The following UBE2O variants were observed in gnomAD, a reference collection of about 807,000 sequenced individuals.
UBE2O encodes the protein (E3-independent) E2 ubiquitin-conjugating enzyme.
In UBE2O, 15 loss-of-function variants were observed where a neutral mutation model predicts 125.8. That is an observed-to-expected ratio of 0.12 (90% CI 0.08 to 0.18). UBE2O has a LOEUF of 0.18. Among genes scored for constraint, UBE2O ranks in the 10% least tolerant of loss-of-function variants. The probability of loss-of-function intolerance (pLI) is 1.00; values close to 1 mark genes in which losing one functional copy is unlikely to be tolerated. For synonymous variants in UBE2O, 708 were observed against 703.2 expected (o/e 1.01, Z -0.11); for missense variants, 1,280 against 1,723.6 (o/e 0.74, Z 4.56).
intron 15 of UBE2O, among the ~76,000 whole-genome samples, chr17:76,393,817 C>A (rs963166357): frequency 1.3e-5 from 2 of 152,148 alleles, no homozygotes; most frequent in African/African-American, 4.8e-5. Flanking sequence ...ACTGACAGGG[C>A]AATGGGCGAG....
In UBE2O at chr17:76,421,644, C is replaced by T. The variant is rs371165088; in HGVS notation, c.418-16072G>A. The stretch of plus-strand genomic sequence containing the variant: ...CCTCCCAAGGTGCTAGGATTACAGG[C>T]GTGAGCCACCACGCCCGGCCCTGAG... On this transcript the variant is annotated intron_variant, in intron 1 of 17. Coordinates refer to ENST00000319380, the MANE Select transcript of UBE2O (RefSeq NM_022066.4). Among the ~76,000 whole-genome samples, 21 of 152,312 alleles carry T rather than the reference C, an allele frequency of 1.4e-4. No individual in the cohort carries two copies. In the East Asian group the frequency reaches 3.7e-3, roughly 27 times the overall value.
rs779778170 is a variant in UBE2O at position 76,402,571 on chromosome 17, A to C, written c.686+31T>G. Reference sequence around the variant, plus strand: ...TCTTTCCAAGAGGCTATCCTTCCCAAGCCGATGGCTCTCTGGTGGTGAGAC... The same window carrying C: ...TCTTTCCAAGAGGCTATCCTTCCCACGCCGATGGCTCTCTGGTGGTGAGAC... On this transcript the variant is annotated intron_variant, in intron 4 of 17. Transcript: ENST00000319380. The surrounding 1 kb of genome is among the most constrained non-coding windows in gnomAD (Gnocchi z 5.4). 1.9e-6 allele frequency: 3 copies of C among 1,592,544 alleles called. No individual in the cohort carries two copies. Among genetic ancestry groups the C allele is most frequent in the Non-Finnish European group, 2.6e-6 (3 of 1,160,726 alleles).
Position 76,398,154 on chromosome 17 carries a change from T to A in UBE2O, c.2025+101A>T. 1 of 1,533,690 alleles carries A rather than the reference T, an allele frequency of 6.5e-7. No individual in the cohort carries two copies. Among genetic ancestry groups the A allele is most frequent in the Non-Finnish European group, 8.9e-7 (1 of 1,118,644 alleles). On this transcript the variant is annotated intron_variant, in intron 12 of 17. Transcript: ENST00000319380. The surrounding 1 kb of genome is among the most constrained non-coding windows in gnomAD (Gnocchi z 5.4). ...TGAGGACACTGAGCCCAGAGGACTT[T>A]CAGGTCTTGTCTCCTAGAGCCACCT...
Position 76,391,840 on chromosome 17 carries a change from C to T in UBE2O, c.3151-27G>A, listed in dbSNP as rs201970029. 2.7e-4 allele frequency: 434 copies of T among 1,614,064 alleles called. 1 individual carries two copies. The highest frequency in any genetic ancestry group is 2.0e-3 in the Middle Eastern group (12 of 6,062). On this transcript the variant is annotated intron_variant, in intron 16 of 17. Transcript: ENST00000319380. This position sits in a 1 kb window ranked among gnomAD's most constrained non-coding sequence, Gnocchi z 8.4. Reference sequence around the variant, plus strand: ...TGAAACACACAGGGCACCATCAATTCTGTTCCCCAGGCCCCTATCCACCAG... The same window carrying T: ...TGAAACACACAGGGCACCATCAATTTTGTTCCCCAGGCCCCTATCCACCAG...
intron 1 of UBE2O, among the ~76,000 whole-genome samples, chr17:76,442,395 T>G (rs2073088239): frequency 6.6e-6 from 1 of 152,060 alleles, no homozygotes; most frequent in African/African-American, 2.4e-5. Flanking sequence ...AGTGGTCTAG[T>G]AAGGGGCCCA....
At chr17:76,429,584 TA>T (rs2143840725) in intron 1 of UBE2O, among the ~76,000 whole-genome samples, 1 of 129,456 alleles carries the variant, frequency 7.7e-6, no homozygotes, top group African/African-American at 2.8e-5. Flanking sequence ...GTTGAGGTGA[TA>T]AAAAGATGAT....
intron 15 of UBE2O, among the ~76,000 whole-genome samples, chr17:76,393,321 G>A (rs56084731): frequency 1 from 151,117 of 151,124 alleles, 75,555 homozygotes; most frequent in South Asian, 1. Context: ...CTGGAGTGCA[G>A]TGGTGTGATC....
At position 76,401,142 on chromosome 17, in the gene UBE2O, C is replaced by T. The variant is rs1318859888; in HGVS notation, c.763G>A (p.Asp255Asn). ...CCTGGGTAGAAGCCATAGGAATCAT[C>T]GAAGAAGAGACCCTGCGGGATGTGG... Reference protein sequence around the residue: ...PHVSDSGLFFDDSYGFYPGQV... With the variant: ...PHVSDSGLFFNDSYGFYPGQV... The change falls in exon 6 of 18, where the codon GAT (aspartate) becomes AAT (asparagine). Residue 255 changes from aspartate to asparagine, a missense_variant. By Grantham distance (23) the Asp-to-Asn change is conservative. Coordinates refer to ENST00000319380, the MANE Select transcript of UBE2O (RefSeq NM_022066.4). 27 of 1,613,554 alleles carry T rather than the reference C, an allele frequency of 1.7e-5. No homozygotes were observed. The highest frequency in any genetic ancestry group is 2.1e-5 in the Non-Finnish European group (25 of 1,180,000).
chr17:76,426,538 C>T (rs1273909269), intron 1 of UBE2O, among the ~76,000 whole-genome samples: 1 of 152,094 alleles, frequency 6.6e-6, no homozygotes, highest in Non-Finnish European at 1.5e-5. Flanking sequence ...TTTTAAAATT[C>T]CATATTTTTA....
chr17:76,415,224 C>A (rs1214756842), intron 1 of UBE2O, among the ~76,000 whole-genome samples: 1 of 152,126 alleles, frequency 6.6e-6, no homozygotes, highest in East Asian at 1.9e-4. Context: ...GGAATGAGGA[C>A]CCAGGCTGCT....
chr17:76,424,626 G>C (rs1407754485), intron 1 of UBE2O, among the ~76,000 whole-genome samples: 1 of 152,046 alleles, frequency 6.6e-6, no homozygotes, highest in East Asian at 1.9e-4. Flanking sequence ...TGTAATTCCA[G>C]CACTTTGGGA....
chr17:76,437,957 G>A (rs1239863751), intron 1 of UBE2O, among the ~76,000 whole-genome samples: 2 of 152,178 alleles, frequency 1.3e-5, no homozygotes, highest in Non-Finnish European at 2.9e-5. Flanking sequence ...GGTGTCTCTC[G>A]TTGCCTGGAT....
At position 76,423,053 on chromosome 17, in the gene UBE2O, T is replaced by C. The variant is rs541802678; in HGVS notation, c.418-17481A>G. Among the ~76,000 whole-genome samples the C allele has an allele frequency of 3.3e-5, 5 of 152,230 alleles. No homozygotes were observed. The South Asian group carries it at 8.3e-4, about 25-fold the overall frequency. On this transcript the variant is annotated intron_variant, in intron 1 of 17. Coordinates refer to ENST00000319380, the MANE Select transcript of UBE2O (RefSeq NM_022066.4). ...GGCTCAGCAGTCCCAATGGGTGGCG[T>C]GGGCAGAATCCCCAATGGCGGGGCC...
At position 76,391,714 on chromosome 17, in the gene UBE2O, C is replaced by T. The variant is rs369950547; in HGVS notation, c.3208+42G>A. 15 of 1,611,112 alleles carry T rather than the reference C, an allele frequency of 9.3e-6. No homozygotes were observed. Among genetic ancestry groups the T allele is most frequent in the South Asian group, 3.3e-5 (3 of 90,642 alleles). ...GACTATCAGAGTCACTTTCCTCCACCGGCCCTCCCTTGTCCGCACCCCCGC... is the reference window on the plus strand; with the variant it reads ...GACTATCAGAGTCACTTTCCTCCACTGGCCCTCCCTTGTCCGCACCCCCGC... On this transcript the variant is annotated intron_variant, in intron 17 of 17. Transcript: ENST00000319380. This position sits in a 1 kb window ranked among gnomAD's most constrained non-coding sequence, Gnocchi z 8.4.
intron 1 of UBE2O, among the ~76,000 whole-genome samples, chr17:76,414,728 C>G (rs556067944): frequency 1.7e-4 from 26 of 152,342 alleles, no homozygotes; most frequent in African/African-American, 5.8e-4. Flanking sequence ...GGGGGAAGGA[C>G]TGCAGAGCTT....
chr17:76,413,791 C>A (rs1017491022), intron 1 of UBE2O, among the ~76,000 whole-genome samples: 2 of 152,174 alleles, frequency 1.3e-5, no homozygotes, highest in Non-Finnish European at 2.9e-5. Flanking sequence ...CCAAGACCCA[C>A]ACAGTCACAC....
At chr17:76,428,793 G>A (rs1033364445) in intron 1 of UBE2O, among the ~76,000 whole-genome samples, 6 of 152,082 alleles carry the variant, frequency 3.9e-5, no homozygotes, top group African/African-American at 1.4e-4. Flanking sequence ...GAAACTGTAT[G>A]CACATATTGT....
At position 76,399,490 on chromosome 17, in the gene UBE2O, C is replaced by T. The variant is rs1314379140; in HGVS notation, c.1587G>A (p.Arg529=). The change falls in exon 9 of 18, where the codon AGG becomes AGA. Residue 529 remains arginine (R), a synonymous_variant. Transcript: ENST00000319380. This position sits in a 1 kb window ranked among gnomAD's most constrained non-coding sequence, Gnocchi z 6.9. ...SIKNLKRKHK[R]KKNKITRDFK... Reference sequence around the variant, plus strand: ...AGTCTCGAGTGATTTTATTCTTCTTCCTCTTGTGTTTGCGCTTTAAGTTCT... The same window carrying T: ...AGTCTCGAGTGATTTTATTCTTCTTTCTCTTGTGTTTGCGCTTTAAGTTCT... The T allele has an allele frequency of 1.2e-6, 2 of 1,614,212 alleles. No individual in the cohort carries two copies. Among genetic ancestry groups the T allele is most frequent in the South Asian group, 1.1e-5 (1 of 91,082 alleles).
chr17:76,403,126 C>G (rs915790079), intron 3 of UBE2O, among the ~76,000 whole-genome samples: 1 of 152,052 alleles, frequency 6.6e-6, no homozygotes, highest in Non-Finnish European at 1.5e-5. Context: ...TCAAGGATAT[C>G]GAGAGCCAAG....
Sources: allele counts gnomAD v4.1 joint callset (sites outside exome capture counted in the v4.1 genomes callset), GRCh38; gene constraint gnomAD v4.1.1; non-coding constraint Gnocchi (gnomAD v3.1); transcripts MANE v1.5; gene names NCBI Gene and HGNC (gene_info 2026-07-23, HGNC 2026-07-21).